ASCC3: variants seen among roughly 807,000 people sequenced by gnomAD.
ASCC3 encodes the protein activating signal cointegrator 1 complex subunit 3.
ASCC3 carries 158 observed loss-of-function variants against 256.3 expected under a neutral mutation model. That is an observed-to-expected ratio of 0.62 (90% CI 0.54 to 0.70). The LOEUF (loss-of-function observed/expected upper bound fraction) is 0.70, where lower values mean the gene tolerates loss of function less well. Among genes scored for constraint, ASCC3 ranks in the 30% least tolerant of loss-of-function variants. The probability of loss-of-function intolerance (pLI) is 0.00; values close to 1 mark genes in which losing one functional copy is unlikely to be tolerated. For synonymous variants in ASCC3, 948 were observed against 883.4 expected, an observed-to-expected ratio of 1.07 and a Z score of -1.30; for missense variants, 2,259 against 2,626.0, an observed-to-expected ratio of 0.86 and a Z score of 3.05.
Position 100,651,616 on chromosome 6 carries a change from T to C in ASCC3, c.3019A>G (p.Thr1007Ala). ...ACTATGGCAAAGATATCACCTTCTGTTTTGTGAGCATCAAAGAGTTCATTA... is the reference window on the plus strand; with the variant it reads ...ACTATGGCAAAGATATCACCTTCTGCTTTGTGAGCATCAAAGAGTTCATTA... Reference protein sequence around the residue: ...TFNELFDAHKTEGDIFAIVSK... With the variant: ...TFNELFDAHKAEGDIFAIVSK... The change falls in exon 19 of 42, where the codon ACA becomes GCA. Residue 1007 changes from threonine (T) to alanine (A), a missense_variant. Coordinates refer to ENST00000369162, the MANE Select transcript of ASCC3 (RefSeq NM_006828.4). 6.3e-7 allele frequency: 1 copy of C among 1,588,406 alleles called. No individual in the cohort carries two copies. Among genetic ancestry groups the C allele is most frequent in the Non-Finnish European group, 8.6e-7 (1 of 1,164,890 alleles).
intron 25 of ASCC3, among the ~76,000 whole-genome samples, chr6:100,633,873 G>T (rs576516721): frequency 5.9e-4 from 67 of 114,034 alleles, no homozygotes; most frequent in African/African-American, 2.1e-3. Flanking sequence ...GCAAAACTCC[G>T]TCTCAAAAAA....
At chr6:100,723,874 A>AT (rs1554220095) in intron 11 of ASCC3, among the ~76,000 whole-genome samples, 15 of 128,140 alleles carry the variant, frequency 1.2e-4, no homozygotes, top group Middle Eastern at 3.8e-3. Flanking sequence ...ATATATATAT[A>AT]TATATATATA....
chr6:100,834,137 A>G (rs1284580717), intron 4 of ASCC3, among the ~76,000 whole-genome samples: 1 of 152,232 alleles, frequency 6.6e-6, no homozygotes, highest in Non-Finnish European at 1.5e-5. Flanking sequence ...GAAAAAATGA[A>G]TAAGTAATAA....
intron 4 of ASCC3, among the ~76,000 whole-genome samples, chr6:100,815,446 G>A (rs986805090): frequency 1.3e-5 from 2 of 150,956 alleles, no homozygotes; most frequent in East Asian, 3.9e-4. Context: ...CCAAAAAAGA[G>A]CTCAGATAGC....
At chr6:100,828,419 A>G (rs563552885) in intron 4 of ASCC3, among the ~76,000 whole-genome samples, 1 of 152,168 alleles carries the variant, frequency 6.6e-6, no homozygotes, top group Non-Finnish European at 1.5e-5. Context: ...AAACTGCAGA[A>G]TATCAAACCC....
chr6:100,643,666 G>A (rs1468597021), intron 23 of ASCC3, among the ~76,000 whole-genome samples: 1 of 151,998 alleles, frequency 6.6e-6, no homozygotes, highest in African/African-American at 2.4e-5. Flanking sequence ...GAATATTTTA[G>A]GCAATTATAA....
In ASCC3 at chr6:100,881,310, C is replaced by G. The variant is rs189131486; in HGVS notation, c.-291G>C. On this transcript the variant is annotated 5_prime_UTR_variant, in exon 1 of 42. Transcript: ENST00000369162. ...CAGACAGACGCAAAGACGCACAGAC[C>G]CGGCGAGGAGGGACAGAGTGGAGCT... 5 of 151,010 alleles carry G rather than the reference C, an allele frequency of 3.3e-5. No homozygotes were observed. In the East Asian group the frequency reaches 1.1e-3, roughly 33 times the overall value. 9.4% of individuals were successfully genotyped at this position (151,010 alleles called of 1,614,324 possible).
intron 13 of ASCC3, among the ~76,000 whole-genome samples, chr6:100,699,578 G>A (rs746251149): frequency 3.3e-5 from 5 of 152,028 alleles, no homozygotes; most frequent in African/African-American, 4.8e-5. Flanking sequence ...AATGTGCAAT[G>A]ACTTTGGAAC....
rs968728031 is a variant in ASCC3, at chr6:100,540,451, T to C, written c.5551-64A>G. On this transcript the variant is annotated intron_variant, in intron 36 of 41. Coordinates refer to ENST00000369162, the MANE Select transcript of ASCC3 (RefSeq NM_006828.4). Reference sequence around the variant, plus strand: ...TATAATAATTAATGTACTTCTTAGCTTTACTGACATTTAAAACATGGCTCA... The same window carrying C: ...TATAATAATTAATGTACTTCTTAGCCTTACTGACATTTAAAACATGGCTCA... 6.1e-6 allele frequency: 8 copies of C among 1,320,268 alleles called. No individual in the cohort carries two copies. In the Admixed American group the frequency reaches 9.8e-5, roughly 16 times the overall value. 81.8% of individuals were successfully genotyped at this position (1,320,268 alleles called of 1,614,324 possible). A position where few individuals can be genotyped will look rare whatever the true frequency, so the allele number is the denominator to read the frequency against.
intron 30 of ASCC3, among the ~76,000 whole-genome samples, chr6:100,612,700 G>A (rs1773468384): frequency 6.6e-6 from 1 of 151,622 alleles, no homozygotes; most frequent in African/African-American, 2.4e-5. Flanking sequence ...TACACTGAAG[G>A]AAGAAAAACA....
intron 5 of ASCC3, among the ~76,000 whole-genome samples, chr6:100,803,592 G>A (rs571206115): frequency 6.6e-6 from 1 of 152,038 alleles, no homozygotes; most frequent in African/African-American, 2.4e-5. Context: ...AGGTGGGAGC[G>A]CTCTTGGAGG....
At chr6:100,598,585 A>G (rs889081751) in intron 34 of ASCC3, among the ~76,000 whole-genome samples, 6 of 152,134 alleles carry the variant, frequency 3.9e-5, no homozygotes, top group African/African-American at 1.4e-4. Flanking sequence ...TCTCACCATA[A>G]TATTATAAAA....
intron 8 of ASCC3, among the ~76,000 whole-genome samples, chr6:100,776,858 T>G (rs949945112): frequency 2.0e-5 from 3 of 152,042 alleles, no homozygotes; most frequent in African/African-American, 7.2e-5. Context: ...AATCAAACCA[T>G]AGACATTAAA....
intron 8 of ASCC3, among the ~76,000 whole-genome samples, chr6:100,783,527 T>A (rs1312097227): frequency 6.6e-6 from 1 of 152,156 alleles, no homozygotes; most frequent in East Asian, 1.9e-4. Flanking sequence ...ACGTGGTCTG[T>A]CCTCAAGAGC....
intron 36 of ASCC3, among the ~76,000 whole-genome samples, chr6:100,541,706 T>C (rs2114666163): frequency 6.6e-6 from 1 of 152,192 alleles, no homozygotes; most frequent in South Asian, 2.1e-4. Flanking sequence ...ATGTATGTCA[T>C]CCAATTAATG....
At chr6:100,612,126 A>C (rs1300919678) in intron 30 of ASCC3, among the ~76,000 whole-genome samples, 2 of 152,040 alleles carry the variant, frequency 1.3e-5, no homozygotes, top group South Asian at 2.1e-4. Flanking sequence ...TGAACCATTT[A>C]CTTTAACTTA....
chr6:100,608,923 C>A (rs1044146808), intron 30 of ASCC3, among the ~76,000 whole-genome samples: 4 of 146,856 alleles, frequency 2.7e-5, no homozygotes, highest in Non-Finnish European at 4.5e-5. Context: ...GCCAACATGC[C>A]CGTCTAATTT....
intron 13 of ASCC3, among the ~76,000 whole-genome samples, chr6:100,697,428 G>A (rs1435301668): frequency 6.6e-6 from 1 of 151,658 alleles, no homozygotes; most frequent in Non-Finnish European, 1.5e-5. Context: ...AAAAAAAAGA[G>A]ATAATGCTAA....
intron 1 of ASCC3, among the ~76,000 whole-genome samples, chr6:100,873,764 T>C (rs756976364): frequency 5.3e-5 from 8 of 152,180 alleles, no homozygotes; most frequent in Non-Finnish European, 8.8e-5. Context: ...AAGAATTTAG[T>C]ATCCAGCAAA....
Sources: gnomAD v4.1 joint callset for allele counts (sites outside exome capture counted in the v4.1 genomes callset) on GRCh38, gnomAD v4.1.1 for gene constraint, MANE v1.5 for transcripts, NCBI Gene and HGNC (gene_info 2026-07-23, HGNC 2026-07-21) for gene names.